Variants in PIK3C3 observed in about 807,000 individuals in gnomAD.
PIK3C3 encodes the protein PI3-kinase type 3.
PIK3C3 carries 95 observed loss-of-function variants against 126.1 expected under a neutral mutation model. The observed-to-expected ratio is 0.75, with a 90% CI of 0.64 to 0.89. The LOEUF (loss-of-function observed/expected upper bound fraction) is 0.89. Among genes scored for constraint, PIK3C3 ranks in the 40% least tolerant of loss-of-function variants. PIK3C3 has a pLI of 0.00. For synonymous variants in PIK3C3, 374 were observed against 360.0 expected (o/e 1.04, Z -0.44); for missense variants, 829 against 1,063.2 (o/e 0.78, Z 3.06).
In PIK3C3 at chr18:42,029,330, T is replaced by TAA; in HGVS notation, c.1597_1598dup (p.Val535LeufsTer16). On this transcript the variant is annotated frameshift_variant, in exon 15 of 25. Transcript: ENST00000262039. LOFTEE classifies it high-confidence loss of function. ...TCTCACTTTGAACCCTTCAGGGTGA[T>TAA]AAGTCTGTCAGAGTTATGCGTTCTT... is the stretch of plus-strand genomic sequence containing the variant. The TAA allele has an allele frequency of 6.2e-7, 1 of 1,611,216 alleles. No individual in the cohort carries two copies. Among genetic ancestry groups the TAA allele is most frequent in the Non-Finnish European group, 8.5e-7 (1 of 1,177,396 alleles).
At chr18:42,023,876 T>C (rs758862215) in intron 13 of PIK3C3, among the ~76,000 whole-genome samples, 2 of 152,218 alleles carry the variant, frequency 1.3e-5, no homozygotes, top group African/African-American at 4.8e-5. Flanking sequence ...TTGTTCCCTT[T>C]CTGGTGATTT....
intron 18 of PIK3C3, among the ~76,000 whole-genome samples, chr18:42,040,419 C>T (rs151153915): frequency 5.9e-5 from 9 of 151,752 alleles, no homozygotes; most frequent in South Asian, 2.1e-4. Context: ...TATTAGTTTT[C>T]GTTTCTCATA....
In PIK3C3 at chr18:42,083,757, C is replaced by T. The variant is rs1214465128; in HGVS notation, c.*2620C>T. 1 of 152,068 alleles carries T rather than the reference C, an allele frequency of 6.6e-6. No individual in the cohort carries two copies. Among genetic ancestry groups the T allele is most frequent in the Non-Finnish European group, 1.5e-5 (1 of 68,036 alleles). 9.4% of individuals were successfully genotyped at this position (152,068 alleles called of 1,614,324 possible). A position where few individuals can be genotyped will look rare whatever the true frequency, so the allele number is the denominator to read the frequency against. ...TAGTTGAAATAACTGAAGTTTAAAG[C>T]AATTGAATCATCTGCCCAAGGATAA... On this transcript the variant is annotated 3_prime_UTR_variant, in exon 25 of 25. Transcript: ENST00000262039.
intron 15 of PIK3C3, among the ~76,000 whole-genome samples, chr18:42,031,863 A>G (rs1983844461): frequency 6.6e-6 from 1 of 152,236 alleles, no homozygotes; most frequent in African/African-American, 2.4e-5. Context: ...TACTCTGTGC[A>G]GAGTGCTTTT....
intron 13 of PIK3C3, chr18:42,026,256 G>GCT (rs1388401027): frequency 2.6e-5 from 4 of 152,150 alleles, no homozygotes. Context: ...CAAGTTGATT[G>GCT]AGATTGATGG....
intron 10 of PIK3C3, among the ~76,000 whole-genome samples, chr18:42,009,123 A>G (rs1982684245): frequency 6.6e-6 from 1 of 152,170 alleles, no homozygotes; most frequent in Admixed American, 6.5e-5. Context: ...TTAGGAAACA[A>G]CATGTAATTA....
intron 9 of PIK3C3, among the ~76,000 whole-genome samples, chr18:42,001,468 T>C (rs643772): frequency 0.083 from 12,596 of 152,208 alleles, 1,705 homozygotes; most frequent in African/African-American, 0.28. Context: ...CTCTTTACAT[T>C]TTTACATGGA....
At chr18:42,079,093 G>A (rs80352343) in intron 24 of PIK3C3, among the ~76,000 whole-genome samples, 128 of 152,212 alleles carry the variant, frequency 8.4e-4, no homozygotes, top group African/African-American at 2.7e-3. Flanking sequence ...TCTTTGATGC[G>A]AGAGTCTTAA....
intron 2 of PIK3C3, among the ~76,000 whole-genome samples, chr18:41,959,196 A>G (rs745801957): frequency 3.3e-5 from 5 of 152,226 alleles, no homozygotes; most frequent in Non-Finnish European, 7.3e-5. Context: ...AGAAGGCCAA[A>G]AACATTTTGG....
rs79184322 is a variant in PIK3C3 at position 42,077,141 on chromosome 18, A to G, written c.2650-3982A>G. Among the ~76,000 whole-genome samples the G allele has an allele frequency of 3.3e-3, 499 of 152,346 alleles. 4 individuals carry two copies. Among genetic ancestry groups the G allele is most frequent in the African/African-American group, 9.8e-3 (407 of 41,574 alleles). ...CAGTAGCATTATGTCTTTAAAAACT[A>G]TGTGCCTATCTTAAAAATATTGCTA... is the stretch of plus-strand genomic sequence containing the variant. On this transcript the variant is annotated intron_variant, in intron 24 of 24. Transcript: ENST00000262039.
intron 21 of PIK3C3, among the ~76,000 whole-genome samples, chr18:42,055,576 A>G (rs1448302009): frequency 6.6e-6 from 1 of 152,104 alleles, no homozygotes; most frequent in Non-Finnish European, 1.5e-5. Flanking sequence ...TGGTAAATAA[A>G]TGCCAGGTTA....
intron 21 of PIK3C3, chr18:42,050,592 A>T (rs997813223): frequency 6.6e-6 from 1 of 152,246 alleles, no homozygotes; most frequent in African/African-American, 2.4e-5. Flanking sequence ...CCTCAAAGTC[A>T]TTCTTAACAT....
At chr18:42,047,771 G>C (rs1439080246) in intron 20 of PIK3C3, among the ~76,000 whole-genome samples, 1 of 152,204 alleles carries the variant, frequency 6.6e-6, no homozygotes, top group Non-Finnish European at 1.5e-5. Flanking sequence ...TTCTGATTCA[G>C]TAGGACTGAA....
chr18:42,011,959 G>A (rs1008879096), intron 10 of PIK3C3, among the ~76,000 whole-genome samples: 6 of 152,134 alleles, frequency 3.9e-5, no homozygotes, highest in African/African-American at 1.4e-4. Flanking sequence ...TTGATTAAGT[G>A]TGCCATCCTA....
At chr18:42,011,571 A>C (rs1982828926) in intron 10 of PIK3C3, among the ~76,000 whole-genome samples, 2 of 152,134 alleles carry the variant, frequency 1.3e-5, no homozygotes, top group African/African-American at 2.4e-5. Flanking sequence ...ATCTACCCAG[A>C]CCACCAAAAC....
chr18:41,957,695 C>T lies in PIK3C3; in HGVS notation c.194C>T (p.Ala65Val). ...SDLYVTCQVF[A>V]EGKPLALPVR... ...CTTTATGTTACTTGTCAAGTTTTTG[C>T]AGAAGGGAAGCCTTTGGCCTTGCCA... is the stretch of plus-strand genomic sequence containing the variant. The change falls in exon 2 of 25, where the codon GCA becomes GTA. Residue 65 changes from alanine (A) to valine (V), a missense_variant. Physicochemically the swap from Ala to Val is moderately conservative, Grantham distance 64. Around this residue, in one of 4 missense-constraint regions of PIK3C3, gnomAD observed 313 missense variants for 340.7 expected, o/e 0.92. Transcript: ENST00000262039. 1 of 1,613,844 alleles carries T rather than the reference C, an allele frequency of 6.2e-7. No individual in the cohort carries two copies. Among genetic ancestry groups the T allele is most frequent in the East Asian group, 2.2e-5 (1 of 44,834 alleles).
In PIK3C3 at chr18:41,957,509, T is replaced by C. The variant is rs543955881; in HGVS notation, c.69-61T>C. 19 of 1,497,574 alleles carry C rather than the reference T, an allele frequency of 1.3e-5. No homozygotes were observed. In the African/African-American group the frequency reaches 1.4e-4, roughly 11 times the overall value. 92.8% of individuals were successfully genotyped at this position (1,497,574 alleles called of 1,614,324 possible). A position where few individuals can be genotyped will look rare whatever the true frequency, so the allele number is the denominator to read the frequency against. On this transcript the variant is annotated intron_variant, in intron 1 of 24. Transcript: ENST00000262039. The stretch of plus-strand genomic sequence containing the variant: ...CATATATGTACATGCTTAGTACTTA[T>C]GTATATATGTACATGCTTAAAAAAT...
chr18:42,068,891 G>A (rs941658369), intron 24 of PIK3C3, among the ~76,000 whole-genome samples: 32 of 150,940 alleles, frequency 2.1e-4, no homozygotes, highest in Admixed American at 9.9e-4. Flanking sequence ...CGGAGGTTGC[G>A]GTGAGCTGAG....
chr18:42,033,854 A>T lies in PIK3C3; in HGVS notation c.1736A>T (p.Asp579Val). ...GAGAGACTACAGGCATTGCTTGGAG[A>T]TAATGAAAAGATGAATTTGTCAGAT... ...KNERLQALLG[D>V]NEKMNLSDVE... The change falls in exon 16 of 25, where the codon GAT becomes GTT. Residue 579 changes from aspartate (D) to valine (V), a missense_variant. Physicochemically the swap from Asp to Val is radical, Grantham distance 152. Coordinates refer to ENST00000262039, the MANE Select transcript of PIK3C3 (RefSeq NM_002647.4). 1 of 1,605,078 alleles carries T rather than the reference A, an allele frequency of 6.2e-7. No homozygotes were observed. Among genetic ancestry groups the T allele is most frequent in the Non-Finnish European group, 8.5e-7 (1 of 1,174,796 alleles).
Sources: gnomAD v4.1 joint callset for allele counts (sites outside exome capture counted in the v4.1 genomes callset) on GRCh38, gnomAD v4.1.1 for gene constraint, gnomAD v4.1.1 regional missense constraint, MANE v1.5 for transcripts, NCBI Gene and HGNC (gene_info 2026-07-23, HGNC 2026-07-21) for gene names.